The following CDH20 variants were observed in gnomAD, a reference collection of about 807,000 sequenced individuals.
CDH20 encodes cadherin 20, also known as cadherin-20.
In CDH20, 29 loss-of-function variants were observed where a neutral mutation model predicts 74.2. The observed-to-expected ratio is 0.39, with a 90% confidence interval of 0.29 to 0.53. The LOEUF is 0.53. Among genes scored for constraint, CDH20 ranks in the 20% least tolerant of loss-of-function variants. The probability of loss-of-function intolerance (pLI) is 0.69; values close to 1 mark genes in which losing one functional copy is unlikely to be tolerated. For missense variants in CDH20, 988 were observed against 1,048.3 expected, an observed-to-expected ratio of 0.94 and a Z score of 0.79; for synonymous variants, 469 against 405.4, an observed-to-expected ratio of 1.16 and a Z score of -1.88.
At chr18:61,354,604 A>G (rs1910433201) in intron 1 of CDH20, among the ~76,000 whole-genome samples, 1 of 151,486 alleles carries the variant, frequency 6.6e-6, no homozygotes, top group Non-Finnish European at 1.5e-5. Flanking sequence ...GTGAAACTTC[A>G]TCTCAAAATA....
chr18:61,439,676 T>C (rs1908961479), intron 1 of CDH20, among the ~76,000 whole-genome samples: 1 of 152,198 alleles, frequency 6.6e-6, no homozygotes, highest in Non-Finnish European at 1.5e-5. Flanking sequence ...TATGACTTTT[T>C]CTGGCTCTAC....
intron 1 of CDH20, among the ~76,000 whole-genome samples, chr18:61,418,670 T>G (rs902997916): frequency 6.6e-6 from 1 of 152,000 alleles, no homozygotes; most frequent in East Asian, 1.9e-4. Context: ...GTTTTCCAGG[T>G]ATAAAGGCTA....
intron 1 of CDH20, among the ~76,000 whole-genome samples, chr18:61,393,805 T>C (rs1290605691): frequency 6.6e-6 from 1 of 152,202 alleles, no homozygotes; most frequent in African/African-American, 2.4e-5. Flanking sequence ...CAAAGATGTT[T>C]GACATAATAG....
intron 1 of CDH20, among the ~76,000 whole-genome samples, chr18:61,424,419 A>C (rs1214829274): frequency 2.0e-5 from 3 of 152,194 alleles, no homozygotes; most frequent in Non-Finnish European, 4.4e-5. Context: ...TGTCTCTCTG[A>C]GCATTGGAAA....
intron 7 of CDH20, among the ~76,000 whole-genome samples, chr18:61,530,530 CG>C (rs35764882): frequency 6.6e-6 from 1 of 151,980 alleles, no homozygotes; most frequent in African/African-American, 2.4e-5. Flanking sequence ...AACACATCAC[CG>C]GAAGTTAAAA....
At chr18:61,433,193 G>A (rs1908712078) in intron 1 of CDH20, among the ~76,000 whole-genome samples, 1 of 152,022 alleles carries the variant, frequency 6.6e-6, no homozygotes. Context: ...GATTAAACAA[G>A]GTAATGTATA....
At chr18:61,446,294 C>T (rs899149806) in intron 1 of CDH20, among the ~76,000 whole-genome samples, 5 of 152,172 alleles carry the variant, frequency 3.3e-5, no homozygotes, top group African/African-American at 2.4e-5. Flanking sequence ...AAAAATAACA[C>T]ACCTCAACCG....
At chr18:61,466,293 C>T (rs979191146) in intron 1 of CDH20, among the ~76,000 whole-genome samples, 2 of 152,116 alleles carry the variant, frequency 1.3e-5, no homozygotes, top group Non-Finnish European at 1.5e-5. Flanking sequence ...GTACTTACAA[C>T]ATTTACAATA....
At chr18:61,461,927 AAT>A (rs1043522458) in intron 1 of CDH20, among the ~76,000 whole-genome samples, 1 of 152,114 alleles carries the variant, frequency 6.6e-6, no homozygotes, top group Non-Finnish European at 1.5e-5. Flanking sequence ...TCAGAGGCTA[AAT>A]AGTTACGAAG....
chr18:61,463,060 C>A (rs976549831), intron 1 of CDH20, among the ~76,000 whole-genome samples: 2 of 152,072 alleles, frequency 1.3e-5, no homozygotes, highest in Admixed American at 1.3e-4. Flanking sequence ...TATCTAAATA[C>A]CTCACTTTCT....
At chr18:61,470,003 A>G (rs1356412586) in intron 1 of CDH20, among the ~76,000 whole-genome samples, 1 of 152,180 alleles carries the variant, frequency 6.6e-6, no homozygotes, top group Non-Finnish European at 1.5e-5. Flanking sequence ...CATTTTTCTC[A>G]TTGCAATCTG....
chr18:61,456,829 G>T (rs1909586798), intron 1 of CDH20, among the ~76,000 whole-genome samples: 1 of 152,072 alleles, frequency 6.6e-6, no homozygotes, highest in Admixed American at 6.6e-5. Flanking sequence ...GTCTGGTGAG[G>T]GTTCTCTTCC....
chr18:61,544,303 G>A (rs1409254527), intron 9 of CDH20, among the ~76,000 whole-genome samples: 1 of 152,228 alleles, frequency 6.6e-6, no homozygotes, highest in Non-Finnish European at 1.5e-5. Flanking sequence ...GCCCAAGTGG[G>A]CGTGTGTTAC....
intron 1 of CDH20, among the ~76,000 whole-genome samples, chr18:61,439,419 C>A (rs1908950109): frequency 6.6e-6 from 1 of 151,952 alleles, no homozygotes; most frequent in African/African-American, 2.4e-5. Context: ...ATGAAAGAAG[C>A]AATATTGAGA....
At chr18:61,418,911 CA>C (rs771000148) in intron 1 of CDH20, among the ~76,000 whole-genome samples, 9 of 152,038 alleles carry the variant, frequency 5.9e-5, no homozygotes, top group Non-Finnish European at 1.0e-4. Flanking sequence ...TTCCATAAAC[CA>C]TAATACATAT....
chr18:61,536,928 C>T (rs1290922565), intron 8 of CDH20, among the ~76,000 whole-genome samples: 1 of 152,096 alleles, frequency 6.6e-6, no homozygotes, highest in Non-Finnish European at 1.5e-5. Flanking sequence ...AACAGGCTTT[C>T]AATCTTTAAT....
chr18:61,390,790 A>G (rs182115804), intron 1 of CDH20, among the ~76,000 whole-genome samples: 48 of 151,346 alleles, frequency 3.2e-4, no homozygotes, highest in Admixed American at 3.3e-4. Flanking sequence ...ATTCAAGACA[A>G]TTGCCTAGGT....
chr18:61,400,366 G>C (rs1233856967), intron 1 of CDH20, among the ~76,000 whole-genome samples: 1 of 152,202 alleles, frequency 6.6e-6, no homozygotes, highest in African/African-American at 2.4e-5. Flanking sequence ...GGGCAGATGT[G>C]ATTAGTGAGA....
chr18:61,517,969 C>T (rs1185746591), intron 6 of CDH20, among the ~76,000 whole-genome samples: 1 of 152,118 alleles, frequency 6.6e-6, no homozygotes, highest in Non-Finnish European at 1.5e-5. Flanking sequence ...ACTGAGTAGG[C>T]AGTTTTCCCC....
Sources: allele counts gnomAD v4.1 joint callset (sites outside exome capture counted in the v4.1 genomes callset), GRCh38; gene constraint gnomAD v4.1.1; transcripts MANE v1.5; gene names NCBI Gene and HGNC (gene_info 2026-07-23, HGNC 2026-07-21).